PCSK5: variants seen among roughly 807,000 people sequenced by gnomAD.
The protein encoded by PCSK5 is prohormone convertase 5.
PCSK5 carries 129 observed loss-of-function variants against 233.2 expected under a neutral mutation model. That is an observed-to-expected ratio of 0.55 (90% CI 0.48 to 0.64). PCSK5 has a LOEUF of 0.64. PCSK5 is among the 30% of genes least tolerant of loss of function. The probability of loss-of-function intolerance (pLI) is 0.00; values close to 1 mark genes in which losing one functional copy is unlikely to be tolerated. For missense variants in PCSK5, 2,076 were observed against 2,430.1 expected, an observed-to-expected ratio of 0.85 and a Z score of 3.06; for synonymous variants, 825 against 879.2, an observed-to-expected ratio of 0.94 and a Z score of 1.09.
chr9:75,967,143 G>A (rs772690742), intron 2 of PCSK5, among the ~76,000 whole-genome samples: 1 of 151,940 alleles, frequency 6.6e-6, no homozygotes, highest in Non-Finnish European at 1.5e-5. Flanking sequence ...TAGGTTCAGG[G>A]GGTGAATGTG....
rs1353121191 is a variant in PCSK5 at position 76,096,196 on chromosome 9, C to T, written c.1107+94C>T. 6 of 673,672 alleles carry T rather than the reference C, an allele frequency of 8.9e-6. No individual in the cohort carries two copies. In the African/African-American group the frequency reaches 1.1e-4, roughly 12 times the overall value. 41.7% of individuals were successfully genotyped at this position (673,672 alleles called of 1,614,324 possible). A position where few individuals can be genotyped will look rare whatever the true frequency, so the allele number is the denominator to read the frequency against. ...CCATAAACATATATATATATACACA[C>T]ACACACACACACACACACAGAAGTA... On this transcript the variant is annotated intron_variant, in intron 8 of 37. Transcript: ENST00000674117.
intron 7 of PCSK5, among the ~76,000 whole-genome samples, chr9:76,072,775 C>T (rs1830523784): frequency 6.6e-6 from 1 of 152,168 alleles, no homozygotes; most frequent in South Asian, 2.1e-4. Flanking sequence ...CGTGCCCCAT[C>T]CCCAAGTCCT....
chr9:76,247,224 C>T (rs115643945), intron 24 of PCSK5, among the ~76,000 whole-genome samples: 3,329 of 152,216 alleles, frequency 0.022, 102 homozygotes, highest in South Asian at 0.12. Flanking sequence ...TCTGTGACAG[C>T]GGCAAACAGC....
At chr9:75,970,829 C>T (rs996342681) in intron 2 of PCSK5, among the ~76,000 whole-genome samples, 1 of 151,930 alleles carries the variant, frequency 6.6e-6, no homozygotes, top group Admixed American at 6.6e-5. Flanking sequence ...CACCGTGTTG[C>T]CCAGGCTGGT....
intron 9 of PCSK5, among the ~76,000 whole-genome samples, chr9:76,129,557 G>A (rs1233893097): frequency 6.6e-6 from 1 of 152,018 alleles, no homozygotes; most frequent in African/African-American, 2.4e-5. Flanking sequence ...TGGGTTGAGC[G>A]GGAGGTTGGT....
At chr9:76,185,387 T>G (rs1320585338) in intron 17 of PCSK5, among the ~76,000 whole-genome samples, 1 of 152,216 alleles carries the variant, frequency 6.6e-6, no homozygotes, top group African/African-American at 2.4e-5. Context: ...ATTCTGCATT[T>G]AGTGAAGAGT....
intron 7 of PCSK5, among the ~76,000 whole-genome samples, chr9:76,087,496 T>G (rs1438651678): frequency 6.6e-6 from 1 of 152,190 alleles, no homozygotes; most frequent in East Asian, 1.9e-4. Context: ...TGCAACGTGC[T>G]CTCCATTCAT....
chr9:76,140,856 A>C (rs1823186446), intron 10 of PCSK5, among the ~76,000 whole-genome samples: 1 of 152,132 alleles, frequency 6.6e-6, no homozygotes, highest in Non-Finnish European at 1.5e-5. Context: ...ATTGATATAC[A>C]GTGTAAATCT....
intron 2 of PCSK5, among the ~76,000 whole-genome samples, chr9:75,943,104 C>T (rs947400126): frequency 1.4e-4 from 21 of 151,992 alleles, no homozygotes; most frequent in Admixed American, 4.6e-4. Context: ...AGGCTGGTCT[C>T]GAACTCCTGA....
chr9:75,891,491 C>G, intron 1 of PCSK5, 118 bp downstream of exon 1: 2 of 814,068 alleles, frequency 2.5e-6, no homozygotes, highest in Non-Finnish European at 3.8e-6. Context: ...GTTGCCCTAA[C>G]TCTTGGGCGA....
At chr9:76,121,209 G>A (rs1206482652) in intron 9 of PCSK5, among the ~76,000 whole-genome samples, 2 of 151,358 alleles carry the variant, frequency 1.3e-5, no homozygotes, top group Non-Finnish European at 2.9e-5. Flanking sequence ...ATTATCATTA[G>A]GAATGAGATT....
At chr9:76,167,114 T>C (rs558245749) in intron 12 of PCSK5, among the ~76,000 whole-genome samples, 1 of 152,296 alleles carries the variant, frequency 6.6e-6, no homozygotes, top group East Asian at 1.9e-4. Flanking sequence ...AAAATATTCA[T>C]GTAAAAAGCT....
At chr9:76,116,230 A>C (rs555198778) in intron 9 of PCSK5, among the ~76,000 whole-genome samples, 15 of 152,244 alleles carry the variant, frequency 9.9e-5, no homozygotes, top group African/African-American at 3.4e-4. Flanking sequence ...CAAGCAGCAC[A>C]TTCATAGTGA....
chr9:76,051,128 C>T (rs1829615606), intron 5 of PCSK5, among the ~76,000 whole-genome samples: 1 of 152,208 alleles, frequency 6.6e-6, no homozygotes, highest in Non-Finnish European at 1.5e-5. Context: ...GTCCTGGTCA[C>T]AGATCTCCCA....
chr9:76,257,264 A>G (rs1267784077), intron 24 of PCSK5, among the ~76,000 whole-genome samples: 1 of 152,098 alleles, frequency 6.6e-6, no homozygotes, highest in Non-Finnish European at 1.5e-5. Flanking sequence ...TATTTCATAG[A>G]TGGTAGGAAG....
At chr9:76,355,038 T>G (rs1830263203) in intron 37 of PCSK5, among the ~76,000 whole-genome samples, 1 of 152,158 alleles carries the variant, frequency 6.6e-6, no homozygotes, top group South Asian at 2.1e-4. Context: ...AAATGAATTT[T>G]TATTGAAGGC....
intron 5 of PCSK5, among the ~76,000 whole-genome samples, chr9:76,043,486 T>C (rs921257469): frequency 6.6e-6 from 1 of 152,110 alleles, no homozygotes. Flanking sequence ...ACTGACTAAT[T>C]CTTATTCTTA....
chr9:76,158,159 A>T (rs891945930), intron 11 of PCSK5, among the ~76,000 whole-genome samples: 6 of 152,238 alleles, frequency 3.9e-5, no homozygotes, highest in African/African-American at 1.4e-4. Context: ...ACCAAAAAAA[A>T]TAATAAGTAT....
intron 20 of PCSK5, among the ~76,000 whole-genome samples, chr9:76,198,264 G>A (rs1824775481): frequency 6.6e-6 from 1 of 152,120 alleles, no homozygotes; most frequent in African/African-American, 2.4e-5. Context: ...TTTAGGGCCA[G>A]GTGTCAGGCA....
Sources: gnomAD v4.1 joint callset for allele counts (sites outside exome capture counted in the v4.1 genomes callset) on GRCh38, gnomAD v4.1.1 for gene constraint, MANE v1.5 for transcripts, NCBI Gene and HGNC (gene_info 2026-07-23, HGNC 2026-07-21) for gene names.